The following DACH2 variants were observed in gnomAD, a reference collection of about 807,000 sequenced individuals.
DACH2 encodes dachshund homolog 2.
A neutral mutation model predicts 35.8 loss-of-function variants in DACH2; 17 were observed. The ratio of observed to expected loss-of-function variants is 0.48; its 90% confidence interval spans 0.33 to 0.71. The LOEUF is 0.71. DACH2 is among the 30% of genes least tolerant of loss of function. The pLI is 0.02. For missense variants in DACH2, 469 were observed against 472.7 expected, an observed-to-expected ratio of 0.99 and a Z score of 0.07; for synonymous variants, 195 against 177.3, an observed-to-expected ratio of 1.10 and a Z score of -0.79.
intron 1 of DACH2, among the ~76,000 whole-genome samples, chrX:86,359,012 G>C (rs575250803): frequency 9.1e-6 from 1 of 109,778 alleles, no homozygotes; most frequent in South Asian, 4.0e-4. Flanking sequence ...AATGTGATAC[G>C]TTGGTAGATG....
intron 3 of DACH2, among the ~76,000 whole-genome samples, chrX:86,568,660 A>G (rs983740262): frequency 2.9e-4 from 32 of 111,156 alleles, no homozygotes; most frequent in African/African-American, 1.0e-3. Context: ...TAAGGTGTGA[A>G]GTGTCAAGTT....
At chrX:86,399,963 T>A (rs2036389691) in intron 2 of DACH2, among the ~76,000 whole-genome samples, 1 of 112,030 alleles carries the variant, frequency 8.9e-6, no homozygotes, top group African/African-American at 3.3e-5. Context: ...CTGGATAATA[T>A]CCTGCAGAGT....
intron 2 of DACH2, among the ~76,000 whole-genome samples, chrX:86,456,024 G>A (rs187169132): frequency 1.8e-5 from 2 of 112,357 alleles, no homozygotes; most frequent in African/African-American, 6.4e-5. Context: ...CTTGGGAGAA[G>A]CATGGTTTCC....
intron 7 of DACH2, among the ~76,000 whole-genome samples, chrX:86,799,573 C>T (rs141850856): frequency 7.2e-4 from 81 of 111,785 alleles, no homozygotes; most frequent in African/African-American, 2.5e-3. Flanking sequence ...ATTCAGACTA[C>T]TCAGGTAGCT....
intron 4 of DACH2, among the ~76,000 whole-genome samples, chrX:86,663,018 CAAT>C (rs1385147250): frequency 9.0e-6 from 1 of 110,955 alleles, no homozygotes; most frequent in Non-Finnish European, 1.9e-5. Context: ...AATAATAAAA[CAAT>C]AAAATATAAA....
intron 2 of DACH2, among the ~76,000 whole-genome samples, chrX:86,402,595 T>A (rs1602482153): frequency 9.0e-6 from 1 of 111,484 alleles, no homozygotes; most frequent in South Asian, 3.7e-4. Context: ...ATTAAAAGGG[T>A]CATAGTGCCC....
chrX:86,213,296 C>A (rs1335790567), intron 1 of DACH2, among the ~76,000 whole-genome samples: 1 of 111,430 alleles, frequency 9.0e-6, no homozygotes, highest in Non-Finnish European at 1.9e-5. Context: ...TTTATCCAAA[C>A]AAGTTATTTA....
intron 3 of DACH2, among the ~76,000 whole-genome samples, chrX:86,565,309 C>T (rs1347855094): frequency 9.0e-6 from 1 of 111,472 alleles, no homozygotes; most frequent in Non-Finnish European, 1.9e-5. Context: ...TTTCACTTTT[C>T]AAATTGCTGT....
At chrX:86,584,579 A>G (rs1202335871) in intron 3 of DACH2, among the ~76,000 whole-genome samples, 4 of 111,270 alleles carry the variant, frequency 3.6e-5, no homozygotes, top group African/African-American at 6.5e-5. Context: ...CTTTTATAAT[A>G]TAAGCACTTA....
chrX:86,338,377 C>A (rs1451549559), intron 1 of DACH2, among the ~76,000 whole-genome samples: 1 of 111,732 alleles, frequency 8.9e-6, no homozygotes, highest in South Asian at 3.8e-4. Flanking sequence ...CAGACCACAG[C>A]ACAATCAAAT....
intron 1 of DACH2, among the ~76,000 whole-genome samples, chrX:86,356,544 G>C (rs1480736997): frequency 9.1e-6 from 1 of 109,379 alleles, no homozygotes; most frequent in Admixed American, 9.7e-5. Context: ...GCGAATTTTA[G>C]AAGAATTGTT....
At position 86,514,318 on chromosome X, in the gene DACH2, G is replaced by A; in HGVS notation, c.567G>A (p.Val189=). The A allele has an allele frequency of 8.3e-7, 1 of 1,211,501 alleles. No homozygotes were observed. Among genetic ancestry groups the A allele is most frequent in the Non-Finnish European group, 1.1e-6 (1 of 895,408 alleles). The part of the protein sequence containing the change: ...PGRPPKRSLG[V]LQENARLLTH... ...GGCCCCCTAAGCGTTCTTTGGGAGT[G>A]TTGCAGGAAAATGCCCGCCTTCTGA... Residue 189 remains valine, a synonymous_variant, in exon 3 of 12, where the codon GTG becomes GTA. Transcript: ENST00000373125.
chrX:86,664,516 T>G (rs2040644330), intron 4 of DACH2, among the ~76,000 whole-genome samples: 1 of 111,710 alleles, frequency 9.0e-6, no homozygotes, highest in Non-Finnish European at 1.9e-5. Flanking sequence ...ACATCCTTCA[T>G]AATACGTTTA....
At chrX:86,401,605 C>G (rs1379196610) in intron 2 of DACH2, among the ~76,000 whole-genome samples, 1 of 108,191 alleles carries the variant, frequency 9.2e-6, no homozygotes, top group Non-Finnish European at 1.9e-5. Flanking sequence ...CATAAATAGG[C>G]AAAAGTGGCA....
At chrX:86,764,625 G>T (rs1017133633) in intron 7 of DACH2, among the ~76,000 whole-genome samples, 3 of 111,241 alleles carry the variant, frequency 2.7e-5, no homozygotes, top group African/African-American at 9.8e-5. Context: ...TTATCCAGTT[G>T]ACTGTTGATG....
At chrX:86,713,869 T>A (rs1439197011) in intron 5 of DACH2, among the ~76,000 whole-genome samples, 1 of 112,134 alleles carries the variant, frequency 8.9e-6, no homozygotes, top group Non-Finnish European at 1.9e-5. Flanking sequence ...TGAAAATTAT[T>A]TCAACTTGCA....
chrX:86,168,054 C>A (rs1277548144), intron 1 of DACH2, among the ~76,000 whole-genome samples: 2 of 111,541 alleles, frequency 1.8e-5, no homozygotes, highest in Non-Finnish European at 3.8e-5. Flanking sequence ...CTATTAGATC[C>A]ATTTGGTCTA....
At chrX:86,719,508 A>G (rs2041376563) in intron 6 of DACH2, among the ~76,000 whole-genome samples, 1 of 111,395 alleles carries the variant, frequency 9.0e-6, no homozygotes, top group Non-Finnish European at 1.9e-5. Flanking sequence ...AGCTGCTATG[A>G]AGAAATACCT....
chrX:86,814,006 G>A (rs368198142), intron 9 of DACH2, among the ~76,000 whole-genome samples: 2 of 111,643 alleles, frequency 1.8e-5, no homozygotes, highest in African/African-American at 6.5e-5. Flanking sequence ...CTAGGTGATA[G>A]GAATTTCGCG....
Sources: gnomAD v4.1 joint callset for allele counts (sites outside exome capture counted in the v4.1 genomes callset) on GRCh38, gnomAD v4.1.1 for gene constraint, MANE v1.5 for transcripts, NCBI Gene and HGNC (gene_info 2026-07-23, HGNC 2026-07-21) for gene names.